Variants in STX8 observed in about 807,000 individuals in gnomAD.
STX8 encodes the protein syntaxin 8, also known as syntaxin-8.
In STX8, 23 loss-of-function variants were observed where a neutral mutation model predicts 37.5. That is an observed-to-expected ratio of 0.61 (90% CI 0.44 to 0.87). STX8 has a LOEUF of 0.87. Among genes scored for constraint, STX8 ranks in the 40% least tolerant of loss-of-function variants. The pLI is 0.00. For missense variants in STX8, 313 were observed against 284.7 expected (o/e 1.10, Z -0.71); for synonymous variants, 115 against 99.1 (o/e 1.16, Z -0.95).
chr17:9,262,899 C>T (rs1339177399), intron 7 of STX8, among the ~76,000 whole-genome samples: 3 of 152,120 alleles, frequency 2.0e-5, no homozygotes, highest in East Asian at 1.9e-4. Context: ...TTAACCTAAA[C>T]GAGCCAAAGT....
Position 9,504,206 on chromosome 17 carries a change from C to T in STX8, c.448+832G>A, listed in dbSNP as rs190828161. ...TGTATACAAAAGGTCTAAGGAAATA[C>T]ATATTAATCTGTTTCCAGTTTGAGA... On this transcript the variant is annotated intron_variant, in intron 5 of 7. Coordinates refer to ENST00000306357, the MANE Select transcript of STX8 (RefSeq NM_004853.3). 2.6e-5 allele frequency among the ~76,000 whole-genome samples: 4 copies of T among 152,032 alleles called. No homozygotes were observed. The East Asian group carries it at 7.7e-4, about 29-fold the overall frequency.
chr17:9,288,619 G>T (rs529826388), intron 7 of STX8, among the ~76,000 whole-genome samples: 4 of 151,834 alleles, frequency 2.6e-5, no homozygotes, highest in African/African-American at 7.3e-5. Flanking sequence ...CCGAGATCGC[G>T]CCACTGCACT....
intron 6 of STX8, among the ~76,000 whole-genome samples, chr17:9,382,526 C>G (rs564792527): frequency 3.9e-4 from 60 of 152,244 alleles, no homozygotes; most frequent in Non-Finnish European, 6.8e-4. Context: ...TGGTTTGCTG[C>G]ACCCATCAAC....
chr17:9,308,560 T>C (rs1415532781), intron 7 of STX8, among the ~76,000 whole-genome samples: 1 of 151,754 alleles, frequency 6.6e-6, no homozygotes, highest in Non-Finnish European at 1.5e-5. Context: ...CTGTCTCTAC[T>C]AAAAATACAA....
At chr17:9,526,862 T>C (rs1220396188) in intron 4 of STX8, among the ~76,000 whole-genome samples, 1 of 149,138 alleles carries the variant, frequency 6.7e-6, no homozygotes, top group Non-Finnish European at 1.5e-5. Flanking sequence ...AAACTCCATC[T>C]CAAAAAAACA....
At chr17:9,283,414 G>A (rs56213330) in intron 7 of STX8, 25,805 of 152,084 alleles carry the variant, frequency 0.17, 2,743 homozygotes, top group Non-Finnish European at 0.24. Flanking sequence ...GGTGGTGCGC[G>A]CCTGTAATCC....
At chr17:9,451,499 A>G (rs532354023) in intron 6 of STX8, among the ~76,000 whole-genome samples, 1 of 152,304 alleles carries the variant, frequency 6.6e-6, no homozygotes, top group African/African-American at 2.4e-5. Context: ...GACCCCTGCT[A>G]GGGTTCGTGG....
At chr17:9,524,722 T>C (rs939545415) in intron 4 of STX8, among the ~76,000 whole-genome samples, 1 of 152,186 alleles carries the variant, frequency 6.6e-6, no homozygotes, top group Non-Finnish European at 1.5e-5. Flanking sequence ...ATCTACTTCA[T>C]ATCTAAGAAA....
At chr17:9,279,071 T>G (rs1907786874) in intron 7 of STX8, among the ~76,000 whole-genome samples, 1 of 147,226 alleles carries the variant, frequency 6.8e-6, no homozygotes, top group Non-Finnish European at 1.5e-5. Context: ...GTTTTTTGTT[T>G]TTTTTTTTTG....
chr17:9,471,631 GT>G (rs1475378243), intron 6 of STX8, among the ~76,000 whole-genome samples: 1 of 152,056 alleles, frequency 6.6e-6, no homozygotes, highest in Non-Finnish European at 1.5e-5. Context: ...TGGGATGTGG[GT>G]ACATGCCAGA....
chr17:9,486,751 C>G (rs1405162643), intron 6 of STX8, among the ~76,000 whole-genome samples: 1 of 151,806 alleles, frequency 6.6e-6, no homozygotes, highest in African/African-American at 2.4e-5. Flanking sequence ...CCCAGATACT[C>G]AGGAGGCTGA....
At chr17:9,274,896 A>G (rs1440655529) in intron 7 of STX8, among the ~76,000 whole-genome samples, 5 of 150,882 alleles carry the variant, frequency 3.3e-5, no homozygotes, top group South Asian at 2.1e-4. Flanking sequence ...GACTACAGGC[A>G]TGCACCACCA....
intron 6 of STX8, among the ~76,000 whole-genome samples, chr17:9,450,013 T>C (rs550697397): frequency 4.6e-5 from 7 of 152,024 alleles, no homozygotes; most frequent in African/African-American, 1.7e-4. Flanking sequence ...GATGGACTTG[T>C]TTTATATCTC....
intron 6 of STX8, among the ~76,000 whole-genome samples, chr17:9,481,829 A>C (rs1906360650): frequency 6.6e-6 from 1 of 152,126 alleles, no homozygotes; most frequent in Non-Finnish European, 1.5e-5. Flanking sequence ...TGAACTGTGC[A>C]TGCGAGGGAT....
chr17:9,489,937 C>T (rs889135475), intron 6 of STX8, among the ~76,000 whole-genome samples: 4 of 152,170 alleles, frequency 2.6e-5, no homozygotes, highest in Non-Finnish European at 4.4e-5. Context: ...ATCCACCCGC[C>T]TCAGCCTGCC....
chr17:9,468,482 G>A (rs1334927670), intron 6 of STX8, among the ~76,000 whole-genome samples: 1 of 152,168 alleles, frequency 6.6e-6, no homozygotes, highest in African/African-American at 2.4e-5. Context: ...AACATCCAGA[G>A]ACTTGTATTC....
intron 7 of STX8, among the ~76,000 whole-genome samples, chr17:9,290,126 C>G (rs1054156047): frequency 6.6e-6 from 1 of 152,144 alleles, no homozygotes; most frequent in Non-Finnish European, 1.5e-5. Context: ...AAAGCAAAAC[C>G]AAGAAGAGAG....
At chr17:9,340,711 G>A (rs1048854263) in intron 7 of STX8, among the ~76,000 whole-genome samples, 1 of 130,096 alleles carries the variant, frequency 7.7e-6, no homozygotes, top group African/African-American at 2.9e-5. Flanking sequence ...AGGCTGGAGT[G>A]CAATGGCGTA....
chr17:9,300,340 AAAAAAAAAG>A (rs1179784803), intron 7 of STX8, among the ~76,000 whole-genome samples: 3 of 150,564 alleles, frequency 2.0e-5, no homozygotes, highest in South Asian at 2.1e-4. Flanking sequence ...TCAAAAAAAA[AAAAAAAAAG>A]AAAGAAAGAA....
Sources: gnomAD v4.1 joint callset for allele counts (sites outside exome capture counted in the v4.1 genomes callset) on GRCh38, gnomAD v4.1.1 for gene constraint, MANE v1.5 for transcripts, NCBI Gene and HGNC (gene_info 2026-07-23, HGNC 2026-07-21) for gene names.